Variants in TAMM41 observed in about 807,000 individuals in gnomAD.
TAMM41 encodes TAM41 mitochondrial translocator assembly and maintenance homolog.
TAMM41 carries 36 observed loss-of-function variants against 44.1 expected under a neutral mutation model. That is an observed-to-expected ratio of 0.82 (90% confidence interval 0.63 to 1.08). The LOEUF is 1.08. Ranked by LOEUF, TAMM41 falls within the 50% of genes least tolerant of loss-of-function variation. The pLI, the probability that TAMM41 is intolerant of heterozygous loss-of-function variation, is 0.00. For synonymous variants in TAMM41, 164 were observed against 153.1 expected, an observed-to-expected ratio of 1.07 and a Z score of -0.53; for missense variants, 417 against 404.3, an observed-to-expected ratio of 1.03 and a Z score of -0.27.
At chr3:11,755,116 C>T in the TAMM41 span, among the ~76,000 whole-genome samples, 2 of 150,926 alleles carry the variant, frequency 1.3e-5, no homozygotes, top group African/African-American at 2.5e-5. Flanking sequence ...AAATACAGGC[C>T]TCCCCTCCTC....
chr3:11,833,168 G>C, intron 3 of TAMM41: 6 of 1,284,438 alleles, frequency 4.7e-6, no homozygotes, highest in Non-Finnish European at 6.1e-6. Flanking sequence ...AAAAAAGAAA[G>C]TGCTCAGATT....
At chr3:11,818,945 G>A (rs1286859238) in intron 4 of TAMM41, among the ~76,000 whole-genome samples, 2 of 151,600 alleles carry the variant, frequency 1.3e-5, no homozygotes, top group African/African-American at 4.8e-5. Flanking sequence ...ACCCGATCTT[G>A]GTGTACAGGG....
At chr3:11,744,245 T>G in the TAMM41 span, among the ~76,000 whole-genome samples, 1 of 151,996 alleles carries the variant, frequency 6.6e-6, no homozygotes, top group Non-Finnish European at 1.5e-5. Flanking sequence ...TTTTTGTATT[T>G]TTAGTAGAGA....
chr3:11,745,724 G>A, the TAMM41 span, among the ~76,000 whole-genome samples: 1 of 152,208 alleles, frequency 6.6e-6, no homozygotes, highest in African/African-American at 2.4e-5. Context: ...TTTCAGATTT[G>A]CAAGATGAAG....
the TAMM41 span, among the ~76,000 whole-genome samples, chr3:11,742,521 G>GGCT: frequency 6.7e-6 from 1 of 149,908 alleles, no homozygotes; most frequent in Non-Finnish European, 1.5e-5. Flanking sequence ...TCCACTTGCT[G>GGCT]GCTGCTGCAA....
chr3:11,775,102 C>T, the TAMM41 span, among the ~76,000 whole-genome samples: 1 of 151,924 alleles, frequency 6.6e-6, no homozygotes, highest in African/African-American at 2.4e-5. Context: ...CTCCTGACCT[C>T]GTGATCCACC....
At chr3:11,785,832 G>T (rs146270905), downstream of TAMM41, among the ~76,000 whole-genome samples, 1 of 151,618 alleles carries the variant, frequency 6.6e-6, no homozygotes, top group African/African-American at 2.4e-5. Flanking sequence ...TTGTCCAGGC[G>T]GGCCTCAAAC....
At chr3:11,781,142 G>A in the TAMM41 span, among the ~76,000 whole-genome samples, 24,259 of 152,026 alleles carry the variant, frequency 0.16, 3,710 homozygotes, top group East Asian at 0.6. Context: ...CATCTGCCAC[G>A]TCCTGTCATC....
At chr3:11,775,146 A>G in the TAMM41 span, among the ~76,000 whole-genome samples, 1 of 152,080 alleles carries the variant, frequency 6.6e-6, no homozygotes. Flanking sequence ...GATTACAGGC[A>G]TGAGCCACCG....
chr3:11,826,520 C>A (rs542127799), intron 4 of TAMM41, among the ~76,000 whole-genome samples: 185 of 117,374 alleles, frequency 1.6e-3, no homozygotes, highest in Non-Finnish European at 2.7e-3. Context: ...CAGAGTGAGA[C>A]CTTGTCTCTC....
chr3:11,805,092 C>G (rs2077867905), intron 7 of TAMM41, among the ~76,000 whole-genome samples: 1 of 150,758 alleles, frequency 6.6e-6, no homozygotes, highest in Admixed American at 6.6e-5. Flanking sequence ...CAACTTCCGC[C>G]TCCCAGGTTC....
the TAMM41 span, among the ~76,000 whole-genome samples, chr3:11,734,878 CA>C: frequency 0.12 from 9,098 of 73,268 alleles, 363 homozygotes; most frequent in Middle Eastern, 0.21. Context: ...TACTAAAATA[CA>C]AAAAAAAAAA....
chr3:11,784,802 T>TC, the TAMM41 span, among the ~76,000 whole-genome samples: 5 of 143,516 alleles, frequency 3.5e-5, no homozygotes, highest in African/African-American at 1.3e-4. Flanking sequence ...TTTTCTTTTT[T>TC]TTTTTTTTTT....
At chr3:11,813,880 A>ATG (rs2078176680) in intron 5 of TAMM41, among the ~76,000 whole-genome samples, 1 of 145,666 alleles carries the variant, frequency 6.9e-6, no homozygotes, top group African/African-American at 2.6e-5. Context: ...ATATGTATAT[A>ATG]TGTATATATG....
chr3:11,792,983 C>T (rs897872237), intron 7 of TAMM41, among the ~76,000 whole-genome samples: 1 of 147,184 alleles, frequency 6.8e-6, no homozygotes. Flanking sequence ...ATCGCTTGAG[C>T]CCGGGAAGCG....
chr3:11,801,527 C>T (rs946487455), intron 7 of TAMM41, among the ~76,000 whole-genome samples: 5 of 152,014 alleles, frequency 3.3e-5, no homozygotes, highest in African/African-American at 4.8e-5. Context: ...GGTTTTTCCA[C>T]GTTGCCCAGG....
At chr3:11,729,194 C>A in the TAMM41 span, among the ~76,000 whole-genome samples, 4 of 152,036 alleles carry the variant, frequency 2.6e-5, no homozygotes, top group African/African-American at 9.7e-5. Flanking sequence ...TTGACTTTGT[C>A]CTCATGCAAG....
the TAMM41 span, among the ~76,000 whole-genome samples, chr3:11,752,761 T>A: frequency 6.7e-6 from 1 of 148,682 alleles, no homozygotes; most frequent in African/African-American, 2.5e-5. Flanking sequence ...TGCCTGACCC[T>A]TCAGAGTAAC....
At chr3:11,747,351 C>T in the TAMM41 span, among the ~76,000 whole-genome samples, 1 of 152,192 alleles carries the variant, frequency 6.6e-6, no homozygotes, top group African/African-American at 2.4e-5. Flanking sequence ...CATGAGCCAC[C>T]ATGCCCGGCC....
Sources: gnomAD v4.1 joint callset for allele counts (sites outside exome capture counted in the v4.1 genomes callset) on GRCh38, gnomAD v4.1.1 for gene constraint, MANE v1.5 for transcripts, NCBI Gene and HGNC (gene_info 2026-07-23, HGNC 2026-07-21) for gene names.